PCDH15: variants seen among roughly 807,000 people sequenced by gnomAD.
PCDH15 encodes the protein protocadherin-15.
Under a neutral mutation model 178.5 loss-of-function variants are expected in PCDH15, and 129 were observed. That is an observed-to-expected ratio of 0.72 (90% CI 0.63 to 0.84). PCDH15 has a LOEUF of 0.84. PCDH15 is among the 40% of genes least tolerant of loss of function. PCDH15 has a pLI of 0.00. For synonymous variants in PCDH15, 800 were observed against 732.0 expected (o/e 1.09, Z -1.50); for missense variants, 2,230 against 2,099.9 (o/e 1.06, Z -1.21).
intron 2 of PCDH15, among the ~76,000 whole-genome samples, chr10:55,075,422 G>GTGGTGCAATCTCAGCTCACAGCAT (rs1841863084): frequency 6.8e-6 from 1 of 146,252 alleles, no homozygotes; most frequent in Non-Finnish European, 1.5e-5. Flanking sequence ...CTGGAGTGCA[G>GTGGTGCAATCTCAGCTCACAGCAT]TGGTGCAATC....
chr10:55,438,267 C>T (rs1287905380), intron 2 of PCDH15, among the ~76,000 whole-genome samples: 1 of 151,894 alleles, frequency 6.6e-6, no homozygotes, highest in Non-Finnish European at 1.5e-5. Flanking sequence ...CCTGTGCCAT[C>T]TAAGCATATG....
At chr10:54,108,363 A>ACTCAG (rs1284965163) in intron 15 of PCDH15, among the ~76,000 whole-genome samples, 4 of 151,994 alleles carry the variant, frequency 2.6e-5, no homozygotes, top group Non-Finnish European at 5.9e-5. Flanking sequence ...TTTGCATTGA[A>ACTCAG]CTCAGCACTG....
intron 2 of PCDH15, among the ~76,000 whole-genome samples, chr10:54,912,995 T>G (rs1044968588): frequency 2.0e-5 from 3 of 152,096 alleles, no homozygotes; most frequent in Non-Finnish European, 4.4e-5. Flanking sequence ...CTCATCTGCA[T>G]AAACAAAGAA....
intron 1 of PCDH15, among the ~76,000 whole-genome samples, chr10:54,699,021 A>C (rs972271458): frequency 6.6e-6 from 1 of 152,146 alleles, no homozygotes; most frequent in Non-Finnish European, 1.5e-5. Flanking sequence ...GTGTTCATAA[A>C]AGTAATGTCC....
chr10:54,622,070 G>T (rs2093365379), intron 2 of PCDH15, among the ~76,000 whole-genome samples: 1 of 112,530 alleles, frequency 8.9e-6, no homozygotes, highest in Non-Finnish European at 2.0e-5. Context: ...CTTCTTATAA[G>T]GTGAGTGATA....
chr10:55,180,343 C>T (rs1839608766), intron 1 of PCDH15, among the ~76,000 whole-genome samples: 1 of 152,106 alleles, frequency 6.6e-6, no homozygotes, highest in Admixed American at 6.6e-5. Context: ...CCTAAAGACC[C>T]TGGATTCTAT....
chr10:54,281,841 T>C (rs2058722647), intron 8 of PCDH15, among the ~76,000 whole-genome samples: 1 of 152,016 alleles, frequency 6.6e-6, no homozygotes, highest in South Asian at 2.1e-4. Context: ...TATAAAATTG[T>C]ACATAACTAT....
At chr10:54,004,555 G>A (rs193023426) in intron 20 of PCDH15, among the ~76,000 whole-genome samples, 38 of 151,916 alleles carry the variant, frequency 2.5e-4, no homozygotes, top group African/African-American at 8.2e-4. Flanking sequence ...GTAATCCCAT[G>A]TAAAACAGCT....
chr10:55,255,639 G>T (rs1024088494), intron 1 of PCDH15, among the ~76,000 whole-genome samples: 11 of 145,822 alleles, frequency 7.5e-5, no homozygotes, highest in East Asian at 2.1e-4. Context: ...TTTAATGATC[G>T]CCATTCTAAC....
chr10:55,241,124 G>C (rs770107729), intron 1 of PCDH15, among the ~76,000 whole-genome samples: 1 of 152,162 alleles, frequency 6.6e-6, no homozygotes, highest in Non-Finnish European at 1.5e-5. Flanking sequence ...GCTGAGACAG[G>C]AGAATCGCTT....
At chr10:54,443,458 T>C (rs976944090) in intron 3 of PCDH15, among the ~76,000 whole-genome samples, 1 of 151,444 alleles carries the variant, frequency 6.6e-6, no homozygotes, top group Non-Finnish European at 1.5e-5. Context: ...CTTAGATACA[T>C]TATTCATGTA....
chr10:53,957,934 A>G (rs1379847316), intron 23 of PCDH15, among the ~76,000 whole-genome samples: 1 of 152,200 alleles, frequency 6.6e-6, no homozygotes, highest in Admixed American at 6.5e-5. Flanking sequence ...TTACATCTCG[A>G]TGATTTACAT....
intron 2 of PCDH15, among the ~76,000 whole-genome samples, chr10:54,569,172 C>T (rs9633607): frequency 0.94 from 142,415 of 152,082 alleles, 66,956 homozygotes; most frequent in Middle Eastern, 0.98. Flanking sequence ...TCAATATATA[C>T]TTGGATAGTT....
rs182187212 is a variant in PCDH15 at position 54,939,925 on chromosome 10, C to T, written c.-79-42425G>A. Among the ~76,000 whole-genome samples, 56 of 152,250 alleles carry T rather than the reference C, an allele frequency of 3.7e-4. 1 individual carries two copies. In the East Asian group the frequency reaches 0.01, roughly 27 times the overall value. ...TTCCAAACAACCCAGCTCTTAATAC[C>T]TACCATCACCTTAGGGGTTAGGTTT... On this transcript the variant is annotated intron_variant, in intron 2 of 5. Transcript: ENST00000458638.
intron 14 of PCDH15, among the ~76,000 whole-genome samples, chr10:54,143,836 G>A (rs1392327908): frequency 6.6e-6 from 1 of 152,048 alleles, no homozygotes; most frequent in Admixed American, 6.6e-5. Flanking sequence ...TAATTCATGT[G>A]TGTTAGTTTG....
intron 2 of PCDH15, among the ~76,000 whole-genome samples, chr10:55,448,313 C>T (rs1431376229): frequency 2.0e-5 from 3 of 151,764 alleles, no homozygotes; most frequent in African/African-American, 4.8e-5. Flanking sequence ...TTTTTTTACA[C>T]TAACATCACT....
At chr10:54,680,462 T>G (rs1406159436) in intron 1 of PCDH15, among the ~76,000 whole-genome samples, 1 of 151,894 alleles carries the variant, frequency 6.6e-6, no homozygotes, top group Non-Finnish European at 1.5e-5. Context: ...GGAGCTTTCT[T>G]TTTTTTTAAG....
At chr10:54,072,498 G>A (rs1019777038) in intron 17 of PCDH15, among the ~76,000 whole-genome samples, 16 of 152,032 alleles carry the variant, frequency 1.1e-4, no homozygotes, top group African/African-American at 3.9e-4. Context: ...AAAGAGAAAA[G>A]GGAAGTTCCT....
At chr10:54,381,258 C>T (rs576659395) in intron 3 of PCDH15, among the ~76,000 whole-genome samples, 278 of 152,142 alleles carry the variant, frequency 1.8e-3, no homozygotes, top group Middle Eastern at 6.8e-3. Context: ...TAGAAGAATA[C>T]GTGACACCCA....
Sources: gnomAD v4.1 joint callset for allele counts (sites outside exome capture counted in the v4.1 genomes callset) on GRCh38, gnomAD v4.1.1 for gene constraint, MANE v1.5 for transcripts, NCBI Gene and HGNC (gene_info 2026-07-23, HGNC 2026-07-21) for gene names.